Variants in TEAD1 observed in about 807,000 individuals in gnomAD.
TEAD1 encodes the protein transcriptional enhancer factor TEF-1.
Under a neutral mutation model 54.9 loss-of-function variants are expected in TEAD1, and 9 were observed. The observed-to-expected ratio is 0.16, with a 90% CI of 0.10 to 0.29. The LOEUF (loss-of-function observed/expected upper bound fraction) is 0.29, where lower values mean the gene tolerates loss of function less well. Ranked by LOEUF, TEAD1 falls within the 10% of genes least tolerant of loss-of-function variation. The pLI is 1.00. For missense variants in TEAD1, 387 were observed against 535.9 expected (o/e 0.72, Z 2.74); for synonymous variants, 200 against 187.8 (o/e 1.07, Z -0.53).
chr11:12,684,824 C>T (rs753950934), intron 2 of TEAD1, among the ~76,000 whole-genome samples: 1 of 152,208 alleles, frequency 6.6e-6, no homozygotes, highest in Non-Finnish European at 1.5e-5. Context: ...CCTTAAATGT[C>T]ACTCAAATAA....
intron 2 of TEAD1, among the ~76,000 whole-genome samples, chr11:12,755,866 T>C (rs1052425455): frequency 2.0e-5 from 3 of 152,154 alleles, no homozygotes; most frequent in Non-Finnish European, 4.4e-5. Context: ...AGAACAACAA[T>C]GATCAGCTTG....
At chr11:12,716,363 C>T (rs996031194) in intron 2 of TEAD1, among the ~76,000 whole-genome samples, 1 of 152,100 alleles carries the variant, frequency 6.6e-6, no homozygotes, top group African/African-American at 2.4e-5. Context: ...CCTTGGAGAG[C>T]ACCCTTTTTC....
chr11:12,769,094 A>G (rs1346860734), intron 3 of TEAD1, among the ~76,000 whole-genome samples: 1 of 152,032 alleles, frequency 6.6e-6, no homozygotes, highest in East Asian at 1.9e-4. Context: ...CCTGGCCACT[A>G]TTGACTTTCT....
chr11:12,694,535 C>T (rs1314286090), intron 2 of TEAD1, among the ~76,000 whole-genome samples: 1 of 152,020 alleles, frequency 6.6e-6, no homozygotes, highest in Non-Finnish European at 1.5e-5. Context: ...GTTGGGTCTG[C>T]TGTGACTCGT....
chr11:12,892,391 G>A (rs1266436445), intron 9 of TEAD1, among the ~76,000 whole-genome samples: 1 of 152,196 alleles, frequency 6.6e-6, no homozygotes, highest in Admixed American at 6.5e-5. Flanking sequence ...TGTAAACCCA[G>A]CACTTTGGGA....
chr11:12,781,959 AAAAAAAAAAAAAGAAAG>A lies in TEAD1; in HGVS notation c.202+17533_202+17549del, dbSNP rs1945556861. Among the ~76,000 whole-genome samples the A allele has an allele frequency of 2.1e-5, 3 of 145,212 alleles. No homozygotes were observed. In the South Asian group the frequency reaches 6.3e-4, roughly 31 times the overall value. ...GTGAAACCTCGTCTGTACAAAAAAA[AAAAAAAAAAAAAGAAAG>A]AAAAAAAGAAAAAGAAAAAAAAAAT... On this transcript the variant is annotated intron_variant, in intron 3 of 12. Coordinates refer to ENST00000527636, the MANE Select transcript of TEAD1 (RefSeq NM_021961.6).
chr11:12,836,238 G>A (rs2134025135), intron 3 of TEAD1, among the ~76,000 whole-genome samples: 1 of 152,120 alleles, frequency 6.6e-6, no homozygotes, highest in South Asian at 2.1e-4. Flanking sequence ...GGCTAACACG[G>A]TGAAACCCTG....
At chr11:12,900,761 T>A (rs961315809) in intron 9 of TEAD1, among the ~76,000 whole-genome samples, 1 of 152,160 alleles carries the variant, frequency 6.6e-6, no homozygotes, top group African/African-American at 2.4e-5. Context: ...GTGGAATAGA[T>A]TAGTACTCAG....
intron 3 of TEAD1, among the ~76,000 whole-genome samples, chr11:12,783,298 A>C (rs973986158): frequency 6.7e-6 from 1 of 149,556 alleles, no homozygotes; most frequent in Non-Finnish European, 1.5e-5. Context: ...TTGGGCCTGA[A>C]TGTTTGAGCC....
chr11:12,775,165 G>T (rs2133940138), intron 3 of TEAD1, among the ~76,000 whole-genome samples: 1 of 152,332 alleles, frequency 6.6e-6, no homozygotes, highest in East Asian at 1.9e-4. Context: ...TTAGAGGGCT[G>T]TGTGGTTAAG....
At chr11:12,929,655 A>G (rs1488748764) in intron 11 of TEAD1, among the ~76,000 whole-genome samples, 1 of 152,012 alleles carries the variant, frequency 6.6e-6, no homozygotes, top group Non-Finnish European at 1.5e-5. Context: ...TTTCTGAGTT[A>G]TTGAAACTGC....
At chr11:12,911,632 G>C (rs879624212) in intron 10 of TEAD1, among the ~76,000 whole-genome samples, 1 of 151,870 alleles carries the variant, frequency 6.6e-6, no homozygotes, top group African/African-American at 2.4e-5. Context: ...GAGGTACTTG[G>C]GGGCTAATAC....
In TEAD1 at chr11:12,939,100, T is replaced by C. The variant is rs1220916498; in HGVS notation, c.*1878T>C. 1.3e-5 allele frequency: 2 copies of C among 152,116 alleles called. No individual in the cohort carries two copies. Among genetic ancestry groups the C allele is most frequent in the African/African-American group, 4.8e-5 (2 of 41,408 alleles). 9.4% of individuals were successfully genotyped at this position (152,116 alleles called of 1,614,324 possible). On this transcript the variant is annotated 3_prime_UTR_variant, in exon 13 of 13. Coordinates refer to ENST00000527636, the MANE Select transcript of TEAD1 (RefSeq NM_021961.6). ...AACACTAAGCCTGACCTCTCCCAAA[T>C]TGGGAAGACCAGAGGAGAAAGTGCA...
At chr11:12,710,853 A>G (rs1328017767) in intron 2 of TEAD1, among the ~76,000 whole-genome samples, 1 of 152,068 alleles carries the variant, frequency 6.6e-6, no homozygotes. Flanking sequence ...GAATGATGGT[A>G]TGTAGAGGAG....
At chr11:12,781,374 A>G (rs1286287926) in intron 3 of TEAD1, among the ~76,000 whole-genome samples, 1 of 152,196 alleles carries the variant, frequency 6.6e-6, no homozygotes, top group Non-Finnish European at 1.5e-5. Context: ...TCATCAAGAA[A>G]ATGAAAAGGC....
At chr11:12,816,573 C>G (rs1039856031) in intron 3 of TEAD1, among the ~76,000 whole-genome samples, 1 of 152,178 alleles carries the variant, frequency 6.6e-6, no homozygotes, top group African/African-American at 2.4e-5. Flanking sequence ...CCGTGGAGAT[C>G]AGGAAGACGT....
intron 3 of TEAD1, among the ~76,000 whole-genome samples, chr11:12,841,260 A>C (rs948357037): frequency 1.3e-5 from 2 of 152,142 alleles, no homozygotes; most frequent in African/African-American, 4.8e-5. Context: ...GTGGGTACAG[A>C]AGAGCTGTCT....
intron 2 of TEAD1, among the ~76,000 whole-genome samples, chr11:12,736,032 A>G (rs190267399): frequency 6.6e-6 from 1 of 152,364 alleles, no homozygotes; most frequent in East Asian, 1.9e-4. Flanking sequence ...CATCTAGAGA[A>G]GTAAATAAGC....
intron 3 of TEAD1, among the ~76,000 whole-genome samples, chr11:12,803,139 C>G (rs986083477): frequency 1.1e-4 from 16 of 151,340 alleles, no homozygotes; most frequent in African/African-American, 3.6e-4. Flanking sequence ...CTGCTGTTCT[C>G]TCCACCAAGC....
Sources: allele counts gnomAD v4.1 joint callset (sites outside exome capture counted in the v4.1 genomes callset), GRCh38; gene constraint gnomAD v4.1.1; transcripts MANE v1.5; gene names NCBI Gene and HGNC (gene_info 2026-07-23, HGNC 2026-07-21).